ZNF727: variants seen among roughly 807,000 people sequenced by gnomAD.
ZNF727 encodes zinc finger protein 727, also known as putative zinc finger protein 727.
In ZNF727, 11 loss-of-function variants were observed where a neutral mutation model predicts 11.5. The observed-to-expected ratio is 0.95, with a 90% CI of 0.60 to 1.58. The LOEUF (loss-of-function observed/expected upper bound fraction) is 1.58, where lower values mean the gene tolerates loss of function less well. Ranked by LOEUF, ZNF727 falls within the 40% of genes most tolerant of loss-of-function variation. The pLI, the probability that ZNF727 is intolerant of heterozygous loss-of-function variation, is 0.00. For missense variants in ZNF727, 533 were observed against 581.7 expected, an observed-to-expected ratio of 0.92 and a Z score of 0.86; for synonymous variants, 171 against 196.1, an observed-to-expected ratio of 0.87 and a Z score of 1.07.
intron 3 of ZNF727, among the ~76,000 whole-genome samples, chr7:64,076,795 C>T (rs6974169): frequency 0.65 from 98,273 of 151,992 alleles, 32,201 homozygotes; most frequent in Admixed American, 0.72. Flanking sequence ...CTGTCTATGA[C>T]ACTGAAGTGT....
Position 64,068,963 on chromosome 7 carries a change from C to G in ZNF727, c.76C>G (p.Gln26Glu). ...GTGGGAATGCCTGGACTCTGCTCAG[C>G]AGCGTTTGTATAGGGATGTGATGTT... ...EEWECLDSAQ[Q>E]RLYRDVMLEN... The change falls in exon 2 of 4, where the codon CAG (glutamine) becomes GAG (glutamate). Residue 26 changes from glutamine (Q) to glutamate (E), a missense_variant. Physicochemically the swap from Gln to Glu is conservative, Grantham distance 29. Coordinates refer to ENST00000456806, the MANE Select transcript of ZNF727 (RefSeq NM_001159522.3). 2 of 1,606,246 alleles carry G rather than the reference C, an allele frequency of 1.2e-6. No homozygotes were observed. The highest frequency in any genetic ancestry group is 1.7e-6 in the Non-Finnish European group (2 of 1,175,750).
At chr7:64,071,108 A>G (rs1489808736) in intron 3 of ZNF727, among the ~76,000 whole-genome samples, 1 of 152,104 alleles carries the variant, frequency 6.6e-6, no homozygotes, top group Non-Finnish European at 1.5e-5. Flanking sequence ...TCTTTGAGAT[A>G]GTAAATTTAT....
chr7:64,048,451 G>T (rs1336610645), intron 1 of ZNF727, among the ~76,000 whole-genome samples: 1 of 152,176 alleles, frequency 6.6e-6, no homozygotes, highest in Non-Finnish European at 1.5e-5. Flanking sequence ...ACAAGAAAGT[G>T]TGGTAGATTA....
intron 3 of ZNF727, among the ~76,000 whole-genome samples, chr7:64,070,735 C>G (rs560357335): frequency 6.6e-6 from 1 of 152,092 alleles, no homozygotes; most frequent in South Asian, 2.1e-4. Context: ...TAACTTATGT[C>G]TTTTCACTGA....
intron 1 of ZNF727, among the ~76,000 whole-genome samples, chr7:64,066,960 A>T (rs1789879288): frequency 6.6e-6 from 1 of 152,182 alleles, no homozygotes; most frequent in Non-Finnish European, 1.5e-5. Flanking sequence ...ACCAGAAAAA[A>T]CTAAACAAAC....
chr7:64,060,611 G>A (rs6460109), intron 1 of ZNF727, among the ~76,000 whole-genome samples: 119,006 of 152,216 alleles, frequency 0.78, 46,625 homozygotes, highest in Admixed American at 0.8. Flanking sequence ...TCTTTAGCCA[G>A]TGGGCTAACG....
Position 64,061,744 on chromosome 7 carries a change from C to A in ZNF727, c.4-7147C>A, listed in dbSNP as rs146464900. ...TATCTGATTTCTTGTTTTGTAGTAT[C>A]TTCTCTCTCTTTTTCTCTCCTTTTC... On this transcript the variant is annotated intron_variant, in intron 1 of 3. Transcript: ENST00000456806. 1.8e-4 allele frequency among the ~76,000 whole-genome samples: 27 copies of A among 151,884 alleles called. 1 individual carries two copies. Among genetic ancestry groups the A allele is most frequent in the Middle Eastern group, 6.8e-3 (2 of 294 alleles).
intron 1 of ZNF727, among the ~76,000 whole-genome samples, chr7:64,046,278 C>G (rs1789504716): frequency 6.6e-6 from 1 of 152,100 alleles, no homozygotes. Context: ...TGATCCGCCC[C>G]CCTCGGGCCT....
intron 1 of ZNF727, among the ~76,000 whole-genome samples, chr7:64,055,385 T>A (rs1024049893): frequency 3.3e-5 from 5 of 150,710 alleles, no homozygotes; most frequent in Non-Finnish European, 5.9e-5. Flanking sequence ...ACCACTGCAC[T>A]CCAGCCTGGC....
At position 64,069,585 on chromosome 7, in the gene ZNF727, CAG is replaced by C; in HGVS notation, c.204_205del (p.Lys69AspfsTer38). The C allele has an allele frequency of 2.6e-6, 4 of 1,562,892 alleles. No individual in the cohort carries two copies. The South Asian group carries it at 4.7e-5, about 18-fold the overall frequency. On this transcript the variant is annotated frameshift_variant, in exon 3 of 4. Coordinates refer to ENST00000456806, the MANE Select transcript of ZNF727 (RefSeq NM_001159522.3). LOFTEE classifies it low-confidence loss of function (END_TRUNC). ...AAAAGAGCCTTGGAATGCGAGGAGA[CAG>C]AAGACAGTAGCCAAACACCCAGGTA... ...QRKEPWNARR[Q>X]KTVAKHPAGS...
rs4717979 is a variant in ZNF727 at position 64,082,401 on chromosome 7, A to G, written c.*3852A>G. On this transcript the variant is annotated 3_prime_UTR_variant, in exon 4 of 4. Coordinates refer to ENST00000456806, the MANE Select transcript of ZNF727 (RefSeq NM_001159522.3). ...CACCTCAGATTTTCCAGTACCTGAC[A>G]ACATTATCACCAGTGAATACTGTAA... 0.65 allele frequency among the ~76,000 whole-genome samples: 98,180 copies of G among 152,110 alleles called. 32,159 individuals carry two copies. Among genetic ancestry groups the G allele is most frequent in the Admixed American group, 0.72 (11,076 of 15,282 alleles).
rs544546403 is a variant in ZNF727, at chr7:64,052,954, A to C, written c.3+7330A>C. 5.3e-5 allele frequency among the ~76,000 whole-genome samples: 8 copies of C among 152,256 alleles called. No individual in the cohort carries two copies. In the East Asian group the frequency reaches 1.5e-3, roughly 29 times the overall value. ...GTATTTACCCAGTGCCTTTACCCCC[A>C]TTGTAACTAGGAAGTAACTAACTTG... is the stretch of plus-strand genomic sequence containing the variant. On this transcript the variant is annotated intron_variant, in intron 1 of 3. Coordinates refer to ENST00000456806, the MANE Select transcript of ZNF727 (RefSeq NM_001159522.3).
chr7:64,059,218 C>A (rs1157686357), intron 1 of ZNF727, among the ~76,000 whole-genome samples: 1 of 152,118 alleles, frequency 6.6e-6, no homozygotes, highest in African/African-American at 2.4e-5. Context: ...GCTGGGATTA[C>A]AGGCATGAGC....
At chr7:64,050,109 G>A (rs1448336430) in intron 1 of ZNF727, among the ~76,000 whole-genome samples, 7 of 151,504 alleles carry the variant, frequency 4.6e-5, no homozygotes, top group Admixed American at 2.6e-4. Flanking sequence ...AGAAGACACT[G>A]TTTTTTATTA....
chr7:64,074,536 AG>A (rs1328984104), intron 3 of ZNF727, among the ~76,000 whole-genome samples: 1 of 152,136 alleles, frequency 6.6e-6, no homozygotes, highest in African/African-American at 2.4e-5. Flanking sequence ...TGAGAGGAGT[AG>A]GGGAGACATT....
intron 1 of ZNF727, among the ~76,000 whole-genome samples, chr7:64,061,445 G>GT (rs141990407): frequency 0.028 from 4,104 of 147,950 alleles, 188 homozygotes; most frequent in East Asian, 0.18. Context: ...TCTTTTTATA[G>GT]TTTTTTTTTT....
intron 1 of ZNF727, among the ~76,000 whole-genome samples, chr7:64,054,165 GT>G (rs1401862491): frequency 2.0e-5 from 3 of 152,178 alleles, no homozygotes; most frequent in Non-Finnish European, 2.9e-5. Flanking sequence ...TGCCCTGGAT[GT>G]GAGGGTGGCC....
In ZNF727 at chr7:64,078,355, T is replaced by C. The variant is rs997686103; in HGVS notation, c.1306T>C (p.Phe436Leu). The C allele has an allele frequency of 5.1e-6, 8 of 1,579,438 alleles. No homozygotes were observed. Among genetic ancestry groups the C allele is most frequent in the Non-Finnish European group, 6.9e-6 (8 of 1,162,334 alleles). ...CEECGKTFKW[F>L]PDLTNHKRIH... ...AGAATGTGGCAAAACCTTTAAGTGG[T>C]TCCCAGACCTGACTAATCATAAGAG... Residue 436 changes from phenylalanine to leucine, a missense_variant, in exon 4 of 4, where the codon TTC becomes CTC. Phe to Leu is a conservative substitution (Grantham distance 22, BLOSUM62 0). Coordinates refer to ENST00000456806, the MANE Select transcript of ZNF727 (RefSeq NM_001159522.3).
At chr7:64,056,899 C>T (rs1789693874) in intron 1 of ZNF727, among the ~76,000 whole-genome samples, 1 of 152,014 alleles carries the variant, frequency 6.6e-6, no homozygotes, top group African/African-American at 2.4e-5. Context: ...GTGCAAACCA[C>T]AGTTTTGCTC....
Sources: gnomAD v4.1 joint callset for allele counts (sites outside exome capture counted in the v4.1 genomes callset) on GRCh38, gnomAD v4.1.1 for gene constraint, MANE v1.5 for transcripts, NCBI Gene and HGNC (gene_info 2026-07-23, HGNC 2026-07-21) for gene names.